Variants in FURIN observed in about 807,000 individuals in gnomAD.
FURIN encodes the protein furin, paired basic amino acid cleaving enzyme, also known as FES upstream region.
FURIN carries 18 observed loss-of-function variants against 89.2 expected under a neutral mutation model. That is an observed-to-expected ratio of 0.20 (90% CI 0.14 to 0.30). The LOEUF is 0.30. FURIN is among the 10% of genes least tolerant of loss of function. The pLI, the probability that FURIN is intolerant of heterozygous loss-of-function variation, is 1.00. For synonymous variants in FURIN, 508 were observed against 466.4 expected (o/e 1.09, Z -1.15); for missense variants, 879 against 1,100.5 (o/e 0.80, Z 2.85).
Position 90,879,879 on chromosome 15 carries a change from A to T in FURIN, c.1271A>T (p.Tyr424Phe). The T allele has an allele frequency of 6.2e-7, 1 of 1,612,898 alleles. No homozygotes were observed. Among genetic ancestry groups the T allele is most frequent in the Non-Finnish European group, 8.5e-7 (1 of 1,179,366 alleles). The change falls in exon 12 of 16, where the codon TAT becomes TTT. Residue 424 changes from tyrosine (Y) to phenylalanine (F), a missense_variant. By Grantham distance (22) the Tyr-to-Phe change is conservative. Around this residue, in one of 5 missense-constraint regions of FURIN, gnomAD observed 156 missense variants for 243.7 expected, o/e 0.64. Transcript: ENST00000268171. Reference protein sequence around the residue: ...NGVGRKVSHSYGYGLLDAGAM... With the variant: ...NGVGRKVSHSFGYGLLDAGAM... ...CCTGTCCCCACAGTGAGCCACTCAT[A>T]TGGCTACGGGCTTTTGGACGCAGGC...
chr15:90,878,229 C>T lies in FURIN; in HGVS notation c.765C>T (p.Gly255=). ...TCCACATCTACAGTGCCAGCTGGGG[C>T]CCCGAGGATGACGGCAAGACAGTGG... is the stretch of plus-strand genomic sequence containing the variant. ...NHIHIYSASW[G]PEDDGKTVDG... is the part of the protein sequence containing the mutation. The change falls in exon 8 of 16, where the codon GGC becomes GGT. Residue 255 remains glycine (G), a synonymous_variant. Transcript: ENST00000268171. 1 of 1,613,772 alleles carries T rather than the reference C, an allele frequency of 6.2e-7. No homozygotes were observed. Among genetic ancestry groups the T allele is most frequent in the Non-Finnish European group, 8.5e-7 (1 of 1,179,928 alleles).
chr15:90,879,069 C>T (rs1409310094), intron 9 of FURIN, 93 bp downstream of exon 9: 10 of 802,006 alleles, frequency 1.2e-5, no homozygotes, highest in Admixed American at 1.1e-4. Context: ...CCTCCACCCC[C>T]ATGTGGCTGG....
chr15:90,873,172 G>T (rs1172972217), intron 1 of FURIN: 2 of 152,188 alleles, frequency 1.3e-5, no homozygotes, highest in African/African-American at 2.4e-5. Flanking sequence ...TCTTTTCGGG[G>T]ATCCTCCCTT....
At position 90,879,779 on chromosome 15, in the gene FURIN, GGGCAGGCTGGCCC is replaced by G. The variant is rs754339043; in HGVS notation, c.1258+16_1258+28del. On this transcript the variant is annotated splice_donor_region_variant and intron_variant, in intron 11 of 15. Coordinates refer to ENST00000268171, the MANE Select transcript of FURIN (RefSeq NM_002569.4). ...CCAATGGTGTGGGCCGGAAAGGTGA[GGGCAGGCTGGCCC>G]GGCAGGCTGGATGTGGAGTTAGGTA... is the stretch of plus-strand genomic sequence containing the variant. The G allele has an allele frequency of 1.2e-6, 2 of 1,612,956 alleles. No individual in the cohort carries two copies. The highest frequency in any genetic ancestry group is 1.7e-4 in the Middle Eastern group (1 of 6,060).
In FURIN at chr15:90,881,907, A is replaced by G. The variant is rs189984206; in HGVS notation, c.*29A>G. 9.9e-5 allele frequency: 145 copies of G among 1,465,462 alleles called. 1 individual carries two copies. The highest frequency in any genetic ancestry group is 7.3e-4 in the Middle Eastern group (4 of 5,500). 90.8% of individuals were successfully genotyped at this position (1,465,462 alleles called of 1,614,324 possible). ...GCCCACTGCCCACCCCCTCAAGCCA[A>G]TCCCCTCCTTGGGCACTTTTTAATT... On this transcript the variant is annotated 3_prime_UTR_variant, in exon 16 of 16. Coordinates refer to ENST00000268171, the MANE Select transcript of FURIN (RefSeq NM_002569.4). This position sits in a 1 kb window ranked among gnomAD's most constrained non-coding sequence, Gnocchi z 4.3.
intron 9 of FURIN, 26 bp downstream of exon 9, chr15:90,879,002 TG>T: frequency 9.8e-7 from 1 of 1,018,212 alleles, no homozygotes; most frequent in Non-Finnish European, 1.5e-6. Flanking sequence ...GGGTGGGGGC[TG>T]GGGAGATGGG....
rs1183906691 is a variant in FURIN at position 90,875,714 on chromosome 15, C to G, written c.-27C>G. On this transcript the variant is annotated 5_prime_UTR_variant, in exon 2 of 16. Coordinates refer to ENST00000268171, the MANE Select transcript of FURIN (RefSeq NM_002569.4). ...TGACCAGGCCAAGGAGACGGGCGCT[C>G]CAGGGTCCCAGCCACCTGTCCCCCC... 22 of 1,509,754 alleles carry G rather than the reference C, an allele frequency of 1.5e-5. No individual in the cohort carries two copies. The East Asian group carries it at 4.9e-4, about 34-fold the overall frequency. The allele number at this position is 1,509,754 out of a possible 1,614,324, so 93.5% of individuals were successfully genotyped here.
rs1432323391 is a variant in FURIN, at chr15:90,881,953, T to G, written c.*75T>G. The G allele has an allele frequency of 9.1e-7, 1 of 1,104,092 alleles. No individual in the cohort carries two copies. Among genetic ancestry groups the G allele is most frequent in the Admixed American group, 2.2e-5 (1 of 44,516 alleles). 68.4% of individuals were successfully genotyped at this position (1,104,092 alleles called of 1,614,324 possible). On this transcript the variant is annotated 3_prime_UTR_variant, in exon 16 of 16. Transcript: ENST00000268171. The surrounding 1 kb of genome is among the most constrained non-coding windows in gnomAD (Gnocchi z 4.3). ...TAATTCACCAAAGTATTTTTTTATC[T>G]TGGGACTGGGTTTGGACCCCAGCTG...
chr15:90,876,882 G>A lies in FURIN; in HGVS notation c.373-14G>A. The A allele has an allele frequency of 6.2e-7, 1 of 1,613,676 alleles. No individual in the cohort carries two copies. The highest frequency in any genetic ancestry group is 8.5e-7 in the Non-Finnish European group (1 of 1,179,630). On this transcript the variant is annotated splice_polypyrimidine_tract_variant and intron_variant, in intron 4 of 15. Coordinates refer to ENST00000268171, the MANE Select transcript of FURIN (RefSeq NM_002569.4). The surrounding 1 kb of genome is among the most constrained non-coding windows in gnomAD (Gnocchi z 5.0). ...AATCATGTCTCATAAGTGATGGGGT[G>A]GGTGTCTCCACAGTCTGGTGTCACT...
In FURIN at chr15:90,877,185, T is replaced by C. The variant is rs1324004931; in HGVS notation, c.552T>C (p.Pro184=). The stretch of plus-strand genomic sequence containing the variant: ...ATGACCAGGACCCTGACCCCCAGCC[T>C]CGGTACACACAGATGAATGACAACA... ...DVNDQDPDPQ[P]RYTQMNDNRH... The change falls in exon 6 of 16, where the codon CCT becomes CCC. Residue 184 remains proline, a synonymous_variant. Coordinates refer to ENST00000268171, the MANE Select transcript of FURIN (RefSeq NM_002569.4). 6.2e-7 allele frequency: 1 copy of C among 1,611,386 alleles called. No homozygotes were observed. The highest frequency in any genetic ancestry group is 1.7e-5 in the Admixed American group (1 of 59,746).
intron 1 of FURIN, among the ~76,000 whole-genome samples, chr15:90,871,226 G>A (rs1165413529): frequency 3.3e-5 from 5 of 152,168 alleles, no homozygotes; most frequent in Admixed American, 6.5e-5. Context: ...GTCCGGCTGA[G>A]GCAGGGCTCG....
At chr15:90,870,713 T>A (rs536019742) in intron 1 of FURIN, among the ~76,000 whole-genome samples, 94 of 152,288 alleles carry the variant, frequency 6.2e-4, no homozygotes, top group African/African-American at 2.1e-3. Context: ...AGGCTCCGGC[T>A]GGTATATTGC....
In FURIN at chr15:90,876,371, C is replaced by A. The variant is rs1474097958; in HGVS notation, c.276+18C>A. On this transcript the variant is annotated intron_variant, in intron 3 of 15. Transcript: ENST00000268171. This position sits in a 1 kb window ranked among gnomAD's most constrained non-coding sequence, Gnocchi z 5.0. ...AGCCTCAAGTGAGTGTGGCCCCAGC[C>A]CCCTCCTGCTGCCACCCTCCCCCTC... 3 of 1,572,274 alleles carry A rather than the reference C, an allele frequency of 1.9e-6. 1 individual carries two copies. The highest frequency in any genetic ancestry group is 4.5e-5 in the East Asian group (2 of 44,684).
In FURIN at chr15:90,878,770, G is replaced by C. The variant is rs780246482; in HGVS notation, c.847G>C (p.Gly283Arg). ...CAGCCCACTCTGTCCACAGGGCCGA[G>C]GGGGGCTGGGCTCCATCTTTGTCTG... ...AFFRGVSQGR[G>R]GLGSIFVWAS... The change falls in exon 9 of 16, where the codon GGG becomes CGG. Residue 283 changes from glycine to arginine, a missense_variant. Physicochemically the swap from Gly to Arg is moderately radical, Grantham distance 125 (BLOSUM62 -2). Coordinates refer to ENST00000268171, the MANE Select transcript of FURIN (RefSeq NM_002569.4). 1.9e-6 allele frequency: 3 copies of C among 1,597,302 alleles called. No homozygotes were observed. Among genetic ancestry groups the C allele is most frequent in the African/African-American group, 2.7e-5 (2 of 74,668 alleles).
At chr15:90,877,368 G>C (rs575104539) in intron 6 of FURIN, among the ~76,000 whole-genome samples, 157 bp downstream of exon 6, 1 of 152,246 alleles carries the variant, frequency 6.6e-6, no homozygotes, top group African/African-American at 2.4e-5. Context: ...GGTCAGAGTG[G>C]AGATGGCCAC....
chr15:90,880,824 G>A lies in FURIN; in HGVS notation c.1681+9G>A. The A allele has an allele frequency of 6.2e-7, 1 of 1,612,556 alleles. No homozygotes were observed. The highest frequency in any genetic ancestry group is 1.7e-5 in the Admixed American group (1 of 59,922). On this transcript the variant is annotated intron_variant, in intron 14 of 15. Transcript: ENST00000268171. ...CGAAGCCAACAACTATGGTACTGGG[G>A]GCACTTGAGGGGTAGGGGTACGAGG...
intron 1 of FURIN, among the ~76,000 whole-genome samples, chr15:90,872,416 T>C (rs2031367587): frequency 6.6e-6 from 1 of 152,078 alleles, no homozygotes; most frequent in Non-Finnish European, 1.5e-5. Context: ...CCGGAGAGTG[T>C]TGGGATTCCT....
At chr15:90,870,194 G>T (rs2031222730) in intron 1 of FURIN, among the ~76,000 whole-genome samples, 1 of 152,192 alleles carries the variant, frequency 6.6e-6, no homozygotes, top group Non-Finnish European at 1.5e-5. Context: ...AAGTCCCTGA[G>T]AAATTAACTT....
chr15:90,871,795 C>T (rs1018725349), intron 1 of FURIN, among the ~76,000 whole-genome samples: 75 of 149,498 alleles, frequency 5.0e-4, no homozygotes, highest in African/African-American at 1.8e-3. Context: ...CCCCCGGGGC[C>T]CGGCTGCCCG....
Sources: allele counts gnomAD v4.1 joint callset (sites outside exome capture counted in the v4.1 genomes callset), GRCh38; gene constraint gnomAD v4.1.1; regional missense constraint gnomAD v4.1.1; non-coding constraint Gnocchi (gnomAD v3.1); transcripts MANE v1.5; gene names NCBI Gene and HGNC (gene_info 2026-07-23, HGNC 2026-07-21).